MDGA2: variants seen among roughly 807,000 people sequenced by gnomAD.
MDGA2 encodes the protein MAM domain-containing glycosylphosphatidylinositol anchor protein 2.
Under a neutral mutation model 117.8 loss-of-function variants are expected in MDGA2, and 40 were observed. The observed-to-expected ratio is 0.34, with a 90% CI of 0.26 to 0.44. The LOEUF (loss-of-function observed/expected upper bound fraction) is 0.44. MDGA2 is among the 20% of genes least tolerant of loss of function. The pLI is 1.00. For synonymous variants in MDGA2, 452 were observed against 439.0 expected, an observed-to-expected ratio of 1.03 and a Z score of -0.37; for missense variants, 1,123 against 1,250.6, an observed-to-expected ratio of 0.90 and a Z score of 1.54.
intron 8 of MDGA2, among the ~76,000 whole-genome samples, chr14:46,964,016 C>A (rs912926921): frequency 6.6e-6 from 1 of 152,282 alleles, no homozygotes; most frequent in Non-Finnish European, 1.5e-5. Context: ...GAACACAGAG[C>A]AGAAGTGATG....
intron 5 of MDGA2, among the ~76,000 whole-genome samples, chr14:47,127,325 C>T (rs1472546567): frequency 6.6e-6 from 1 of 152,084 alleles, no homozygotes; most frequent in Non-Finnish European, 1.5e-5. Context: ...CATGCAATTA[C>T]TTGTAGTTTA....
chr14:47,371,553 T>C (rs1341857553), intron 1 of MDGA2, among the ~76,000 whole-genome samples: 1 of 151,794 alleles, frequency 6.6e-6, no homozygotes, highest in Non-Finnish European at 1.5e-5. Flanking sequence ...GTTAAATAGT[T>C]TGAGGATGGT....
intron 6 of MDGA2, among the ~76,000 whole-genome samples, chr14:47,077,877 T>C (rs1419021493): frequency 6.6e-6 from 1 of 152,106 alleles, no homozygotes; most frequent in Non-Finnish European, 1.5e-5. Context: ...TTCTCTTTTA[T>C]GGTTCTCAGA....
intron 5 of MDGA2, among the ~76,000 whole-genome samples, chr14:47,119,816 C>T (rs550788399): frequency 3.3e-5 from 5 of 152,040 alleles, no homozygotes; most frequent in Non-Finnish European, 7.4e-5. Flanking sequence ...CCCATATTAC[C>T]TGCTTTCTTT....
intron 3 of MDGA2, among the ~76,000 whole-genome samples, chr14:47,177,552 C>T (rs1884520739): frequency 6.6e-6 from 1 of 151,922 alleles, no homozygotes; most frequent in African/African-American, 2.4e-5. Flanking sequence ...ATTGCAAGGA[C>T]AAAAATCAAA....
At chr14:46,994,365 A>C (rs536014745) in intron 8 of MDGA2, among the ~76,000 whole-genome samples, 18 of 152,120 alleles carry the variant, frequency 1.2e-4, no homozygotes, top group Non-Finnish European at 2.2e-4. Flanking sequence ...AAGTTATCAA[A>C]CCTAACAGTG....
chr14:47,558,793 G>A (rs78607343), intron 1 of MDGA2, among the ~76,000 whole-genome samples: 1 of 152,094 alleles, frequency 6.6e-6, no homozygotes, highest in Non-Finnish European at 1.5e-5. Flanking sequence ...AATCTTGGGG[G>A]TGTATTTATG....
In MDGA2 at chr14:47,035,143, C is replaced by T. The variant is rs1434293101; in HGVS notation, c.1687G>A (p.Glu563Lys). 6.2e-7 allele frequency: 1 copy of T among 1,614,124 alleles called. No individual in the cohort carries two copies. Among genetic ancestry groups the T allele is most frequent in the Admixed American group, 1.7e-5 (1 of 60,024 alleles). Residue 563 changes from glutamate (E) to lysine (K), a missense_variant, in exon 8 of 17, where the codon GAG becomes AAG. Physicochemically the swap from Glu to Lys is moderately conservative, Grantham distance 56. This residue lies in a region of MDGA2 where 890 missense variants were observed against 1,050.3 expected (regional missense o/e 0.85). Coordinates refer to ENST00000399232, the MANE Select transcript of MDGA2 (RefSeq NM_001113498.3). ...ATCCTCAGTGTTCCATCATAACTCT[C>T]CATTTGCATTGATCCATCAGGCATT... ...VAMPDGSMQMESYDGTLRIVN... is the reference protein window; with the variant it reads ...VAMPDGSMQMKSYDGTLRIVN...
chr14:47,183,420 T>C (rs892098345), intron 3 of MDGA2, among the ~76,000 whole-genome samples: 1 of 152,122 alleles, frequency 6.6e-6, no homozygotes, highest in African/African-American at 2.4e-5. Context: ...TATTCCAATT[T>C]TGACATTTCA....
At chr14:47,351,117 C>G (rs1028504600) in intron 1 of MDGA2, among the ~76,000 whole-genome samples, 5 of 142,540 alleles carry the variant, frequency 3.5e-5, no homozygotes, top group African/African-American at 5.1e-5. Flanking sequence ...TTGCTCTTGT[C>G]CCCCTGGCTG....
At chr14:47,025,623 G>A (rs527329496) in intron 8 of MDGA2, among the ~76,000 whole-genome samples, 54 of 151,806 alleles carry the variant, frequency 3.6e-4, no homozygotes, top group African/African-American at 1.3e-3. Flanking sequence ...TAGGGGAGAA[G>A]GACATATTAC....
At chr14:47,495,209 T>A (rs1364366957) in intron 1 of MDGA2, among the ~76,000 whole-genome samples, 2 of 151,550 alleles carry the variant, frequency 1.3e-5, no homozygotes, top group Non-Finnish European at 2.9e-5. Flanking sequence ...TAAGTGGGAG[T>A]AAATAATGCA....
chr14:47,590,673 G>A (rs1250139711), intron 1 of MDGA2, among the ~76,000 whole-genome samples: 1 of 151,890 alleles, frequency 6.6e-6, no homozygotes, highest in East Asian at 1.9e-4. Flanking sequence ...TGGATTGTTT[G>A]TAACAAAAAC....
intron 1 of MDGA2, among the ~76,000 whole-genome samples, chr14:47,616,365 T>A (rs573822145): frequency 1.6e-4 from 24 of 152,320 alleles, no homozygotes; most frequent in African/African-American, 5.5e-4. Context: ...GTAAGATAAT[T>A]GTTGTTTTAT....
At chr14:47,243,596 A>G (rs762653397) in intron 2 of MDGA2, among the ~76,000 whole-genome samples, 1 of 151,046 alleles carries the variant, frequency 6.6e-6, no homozygotes, top group Non-Finnish European at 1.5e-5. Context: ...CGCTACCTTA[A>G]GAGCTGTAAC....
intron 2 of MDGA2, among the ~76,000 whole-genome samples, chr14:47,284,101 C>T (rs1013244230): frequency 5.9e-5 from 9 of 151,884 alleles, no homozygotes; most frequent in Non-Finnish European, 1.0e-4. Flanking sequence ...TGCAAAGGAA[C>T]AAATAAGGTA....
chr14:47,245,360 G>T (rs902731444), intron 2 of MDGA2, among the ~76,000 whole-genome samples: 1 of 151,728 alleles, frequency 6.6e-6, no homozygotes, highest in Admixed American at 6.6e-5. Context: ...TACAAAATAT[G>T]TGTTAACTGA....
At chr14:47,106,519 C>T (rs4405460) in intron 5 of MDGA2, among the ~76,000 whole-genome samples, 77,301 of 150,104 alleles carry the variant, frequency 0.51, 20,176 homozygotes, top group African/African-American at 0.63. Context: ...TCCTAAGCCG[C>T]GTCCCATCTG....
intron 1 of MDGA2, among the ~76,000 whole-genome samples, chr14:47,624,646 T>C (rs1251129195): frequency 2.0e-5 from 3 of 152,206 alleles, no homozygotes; most frequent in African/African-American, 7.2e-5. Context: ...GGCTGTAAGA[T>C]AGATGGCAAA....
Sources: allele counts gnomAD v4.1 joint callset (sites outside exome capture counted in the v4.1 genomes callset), GRCh38; gene constraint gnomAD v4.1.1; regional missense constraint gnomAD v4.1.1; transcripts MANE v1.5; gene names NCBI Gene and HGNC (gene_info 2026-07-23, HGNC 2026-07-21).